Variants in FRMPD4 observed in about 807,000 individuals in gnomAD.
The protein encoded by FRMPD4 is FERM and PDZ domain-containing protein 4.
Under a neutral mutation model 94.1 loss-of-function variants are expected in FRMPD4, and 22 were observed. The ratio of observed to expected loss-of-function variants is 0.23; its 90% CI spans 0.17 to 0.33. The LOEUF (loss-of-function observed/expected upper bound fraction) is 0.33, where lower values mean the gene tolerates loss of function less well. Ranked by LOEUF, FRMPD4 falls within the 10% of genes least tolerant of loss-of-function variation. The probability of loss-of-function intolerance (pLI) is 1.00; values close to 1 mark genes in which losing one functional copy is unlikely to be tolerated. For synonymous variants in FRMPD4, 631 were observed against 548.6 expected, an observed-to-expected ratio of 1.15 and a Z score of -2.10; for missense variants, 1,111 against 1,339.9, an observed-to-expected ratio of 0.83 and a Z score of 2.67.
intron 1 of FRMPD4, among the ~76,000 whole-genome samples, chrX:12,197,827 G>A (rs2056583595): frequency 8.9e-6 from 1 of 111,743 alleles, no homozygotes; most frequent in African/African-American, 3.3e-5. Context: ...CATTTAAATG[G>A]TATTTCTGTA....
rs1333277195 is a variant in FRMPD4, at chrX:12,716,117, G to A, written c.1658G>A (p.Cys553Tyr). 8.3e-7 allele frequency: 1 copy of A among 1,197,936 alleles called. No homozygotes were observed. The highest frequency in any genetic ancestry group is 1.8e-5 in the African/African-American group (1 of 55,829). ...AACCTCCTTGGCCCAGATTGGAACT[G>A]TATACCCCAAATGACCACCTTTATT... is the stretch of plus-strand genomic sequence containing the variant. ...KHNLLGPDWN[C>Y]IPQMTTFIGE... The change falls in exon 15 of 17, where the codon TGT (cysteine) becomes TAT (tyrosine). Residue 553 changes from cysteine to tyrosine, a missense_variant. Around this residue, in one of 8 missense-constraint regions of FRMPD4, gnomAD observed 192 missense variants for 192.5 expected, o/e 1.00. Transcript: ENST00000675598.
chrX:12,179,928 A>G (rs781120309), intron 1 of FRMPD4, among the ~76,000 whole-genome samples: 1 of 109,674 alleles, frequency 9.1e-6, no homozygotes, highest in African/African-American at 3.3e-5. Flanking sequence ...TCAAACATGA[A>G]CTGGGGTTCA....
intron 12 of FRMPD4, 124 bp downstream of exon 12, chrX:12,707,039 AAC>A: frequency 4.9e-6 from 2 of 410,500 alleles, no homozygotes; most frequent in Non-Finnish European, 8.4e-6. Context: ...CCAACTTCAC[AAC>A]AGTCTGAAAA....
chrX:12,377,962 G>A (rs1203168661), intron 1 of FRMPD4, among the ~76,000 whole-genome samples: 1 of 112,687 alleles, frequency 8.9e-6, no homozygotes, highest in Non-Finnish European at 1.9e-5. Context: ...AAACAGAACA[G>A]TCTGGCATCT....
intron 1 of FRMPD4, among the ~76,000 whole-genome samples, chrX:12,247,655 G>A (rs941933609): frequency 2.7e-5 from 3 of 111,745 alleles, no homozygotes; most frequent in African/African-American, 9.8e-5. Flanking sequence ...CAAAAGTGCT[G>A]GGATTACAGG....
intron 3 of FRMPD4, among the ~76,000 whole-genome samples, chrX:11,922,184 T>C (rs5935187): frequency 0.36 from 39,322 of 110,668 alleles, 5,547 homozygotes; most frequent in East Asian, 0.82. Flanking sequence ...TCACAGTTCC[T>C]CAGGCTTTAC....
chrX:12,523,065 T>C (rs1211418208), intron 2 of FRMPD4, among the ~76,000 whole-genome samples: 1 of 112,212 alleles, frequency 8.9e-6, no homozygotes, highest in East Asian at 2.8e-4. Context: ...TCCAGGGACT[T>C]TGTTGTTGTT....
chrX:12,168,622 C>CTTTTTTT (rs35114337), intron 1 of FRMPD4, among the ~76,000 whole-genome samples: 3 of 70,168 alleles, frequency 4.3e-5, no homozygotes, highest in African/African-American at 5.6e-5. Context: ...GACACTGACC[C>CTTTTTTT]TTTTTTTTTT....
chrX:12,473,800 C>A (rs2057552761), intron 1 of FRMPD4, among the ~76,000 whole-genome samples: 1 of 110,171 alleles, frequency 9.1e-6, no homozygotes, highest in Non-Finnish European at 1.9e-5. Context: ...TATAGGAGCA[C>A]CCAGATTCAT....
intron 3 of FRMPD4, among the ~76,000 whole-genome samples, chrX:11,982,312 T>C (rs1474638468): frequency 3.6e-5 from 4 of 111,215 alleles, no homozygotes; most frequent in Non-Finnish European, 7.6e-5. Context: ...AACGATCTTT[T>C]CTTTTTTTTC....
intron 2 of FRMPD4, among the ~76,000 whole-genome samples, chrX:12,555,755 A>G (rs920696182): frequency 7.1e-5 from 8 of 112,213 alleles, no homozygotes; most frequent in African/African-American, 2.6e-4. Context: ...TCCTATTAAA[A>G]TACCTAGAGT....
At chrX:12,674,287 G>T (rs2059872737) in intron 4 of FRMPD4, among the ~76,000 whole-genome samples, 1 of 111,686 alleles carries the variant, frequency 9.0e-6, no homozygotes, top group African/African-American at 3.3e-5. Context: ...ATTGTGACCA[G>T]GGACTTACTA....
intron 3 of FRMPD4, among the ~76,000 whole-genome samples, chrX:12,075,091 A>G (rs1451093941): frequency 1.8e-5 from 2 of 112,360 alleles, no homozygotes; most frequent in Non-Finnish European, 3.8e-5. Context: ...TATTTGGAGT[A>G]TTACAAATAA....
Position 12,498,748 on chromosome X carries a change from A to G in FRMPD4, c.110A>G (p.Tyr37Cys), listed in dbSNP as rs142882919. 2.9e-5 allele frequency: 35 copies of G among 1,193,898 alleles called. No homozygotes were observed. Among genetic ancestry groups the G allele is most frequent in the Non-Finnish European group, 3.6e-5 (32 of 884,166 alleles). ...GTWGLSQVPP[Y>C]GWEMTANRDG... ...TGGGGCTTGAGCCAGGTGCCGCCCT[A>G]TGGATGGGAGATGACGGCAAACCGA... The change falls in exon 2 of 17, where the codon TAT becomes TGT. Residue 37 changes from tyrosine (Y) to cysteine (C), a missense_variant. By Grantham distance (194) the Tyr-to-Cys change is radical. Coordinates refer to ENST00000675598, the MANE Select transcript of FRMPD4 (RefSeq NM_001368397.1).
chrX:12,063,823 A>G (rs189061367), intron 3 of FRMPD4, among the ~76,000 whole-genome samples: 10 of 112,698 alleles, frequency 8.9e-5, no homozygotes, highest in Non-Finnish European at 1.7e-4. Context: ...GTTATTTGGC[A>G]TTTCATGTTA....
intron 3 of FRMPD4, among the ~76,000 whole-genome samples, chrX:12,048,068 A>G (rs1436295950): frequency 8.9e-6 from 1 of 112,628 alleles, no homozygotes; most frequent in African/African-American, 3.2e-5. Flanking sequence ...TCTTTGAGAA[A>G]TCTCCAAACT....
intron 3 of FRMPD4, among the ~76,000 whole-genome samples, chrX:12,039,683 T>C (rs183836726): frequency 1.6e-3 from 172 of 110,770 alleles, no homozygotes; most frequent in Non-Finnish European, 2.7e-3. Context: ...AAAATAAACA[T>C]GTAAGGCTGG....
At chrX:12,109,008 G>A (rs770554956) in intron 3 of FRMPD4, among the ~76,000 whole-genome samples, 1 of 111,244 alleles carries the variant, frequency 9.0e-6, no homozygotes, top group Non-Finnish European at 1.9e-5. Flanking sequence ...ACATTAGACA[G>A]ATCAATGAGA....
At chrX:12,202,713 A>C (rs1055302275) in intron 1 of FRMPD4, among the ~76,000 whole-genome samples, 9 of 112,419 alleles carry the variant, frequency 8.0e-5, no homozygotes, top group Non-Finnish European at 1.5e-4. Context: ...AATTAAGATG[A>C]GGTCATACTG....
Sources: gnomAD v4.1 joint callset for allele counts (sites outside exome capture counted in the v4.1 genomes callset) on GRCh38, gnomAD v4.1.1 for gene constraint, gnomAD v4.1.1 regional missense constraint, MANE v1.5 for transcripts, NCBI Gene and HGNC (gene_info 2026-07-23, HGNC 2026-07-21) for gene names.